Variants in COA1 observed in about 807,000 individuals in gnomAD.
COA1 encodes cytochrome c oxidase assembly factor 1, also known as cytochrome c oxidase assembly factor 1 homolog.
COA1 carries 13 observed loss-of-function variants against 16.0 expected under a neutral mutation model. The ratio of observed to expected loss-of-function variants is 0.81; its 90% confidence interval spans 0.53 to 1.29. COA1 has a LOEUF of 1.29. Among genes scored for constraint, COA1 ranks in the 50% most tolerant of loss-of-function variants. The probability of loss-of-function intolerance (pLI) is 0.00; values close to 1 mark genes in which losing one functional copy is unlikely to be tolerated. For missense variants in COA1, 179 were observed against 177.0 expected, an observed-to-expected ratio of 1.01 and a Z score of -0.06; for synonymous variants, 65 against 65.7, an observed-to-expected ratio of 0.99 and a Z score of 0.05.
intron 1 of COA1, among the ~76,000 whole-genome samples, chr7:43,720,743 C>T (rs2095490600): frequency 6.6e-6 from 1 of 152,188 alleles, no homozygotes; most frequent in African/African-American, 2.4e-5. Context: ...TGAATGGCAG[C>T]CCCAGTCCCT....
At chr7:43,662,367 C>T (rs1488897604) in intron 1 of COA1, among the ~76,000 whole-genome samples, 5 of 152,154 alleles carry the variant, frequency 3.3e-5, no homozygotes, top group Non-Finnish European at 7.4e-5. Flanking sequence ...ATAGCTGGGA[C>T]TACAGGCACC....
intron 1 of COA1, among the ~76,000 whole-genome samples, chr7:43,691,281 GAAAGAAAGA>G (rs2094293390): frequency 2.9e-5 from 1 of 34,594 alleles, no homozygotes; most frequent in African/African-American, 1.0e-4. Context: ...AAGAAAGAAA[GAAAGAAAGA>G]AAGAAAGAAA....
intron 6 of COA1, chr7:43,625,748 T>C (rs911057366): frequency 3.5e-5 from 3 of 85,478 alleles, no homozygotes; most frequent in African/African-American, 1.7e-4. Context: ...TAAAATCCCC[T>C]AGAGCAGAGA....
intron 1 of COA1, among the ~76,000 whole-genome samples, chr7:43,695,423 C>CTTCCTCCAGTTATCCACATGGCT (rs2094496794): frequency 6.6e-6 from 1 of 151,928 alleles, no homozygotes; most frequent in Non-Finnish European, 1.5e-5. Context: ...CAGGAATCTT[C>CTTCCTCCAGTTATCCACATGGCT]TTCCTCCAGT....
intron 1 of COA1, among the ~76,000 whole-genome samples, chr7:43,700,568 A>G (rs2094692868): frequency 7.1e-6 from 1 of 141,694 alleles, no homozygotes; most frequent in Admixed American, 7.6e-5. Flanking sequence ...ATATATATGT[A>G]CACATATATA....
intron 6 of COA1, chr7:43,619,753 G>A: frequency 1.9e-6 from 3 of 1,609,756 alleles, no homozygotes; most frequent in Non-Finnish European, 2.5e-6. Context: ...GTTTTGTTCT[G>A]GGGTCAGGCA....
At chr7:43,694,088 G>C (rs2094455910) in intron 1 of COA1, among the ~76,000 whole-genome samples, 1 of 149,218 alleles carries the variant, frequency 6.7e-6, no homozygotes, top group Non-Finnish European at 1.5e-5. Flanking sequence ...TTGCCTCTAT[G>C]GATGCATGCT....
intron 1 of COA1, among the ~76,000 whole-genome samples, chr7:43,692,752 A>G (rs2094415577): frequency 6.6e-6 from 1 of 152,148 alleles, no homozygotes; most frequent in African/African-American, 2.4e-5. Flanking sequence ...TGACTAGGCA[A>G]TTCACAAGAT....
In COA1 at chr7:43,645,299, A is replaced by G. The variant is rs1471498299; in HGVS notation, c.216T>C (p.Tyr72=). ...EALGPPLNIH[Y]LKLIDRENFV... ...AGTTTTCCCTGTCGATGAGCTTGAG[A>G]TAATGGATGTTGAGAGGAGGGCCCA... is the stretch of plus-strand genomic sequence containing the variant. Residue 72 remains tyrosine (Y), a synonymous_variant, in exon 4 of 6, where the codon TAT becomes TAC. Transcript: ENST00000223336. The G allele has an allele frequency of 3.1e-6, 5 of 1,613,956 alleles. No homozygotes were observed. The East Asian group carries it at 1.1e-4, about 36-fold the overall frequency.
chr7:43,691,402 AG>A lies in COA1; in HGVS notation c.-39+38026del, dbSNP rs1161469073. Among the ~76,000 whole-genome samples, 529 of 118,226 alleles carry A rather than the reference AG, an allele frequency of 4.5e-3. 13 individuals are homozygous for A. Among genetic ancestry groups the A allele is most frequent in the Admixed American group, 0.01 (116 of 11,088 alleles). 77.6% of individuals were successfully genotyped at this position (118,226 alleles called of 152,430 possible). A position where few individuals can be genotyped will look rare whatever the true frequency, so the allele number is the denominator to read the frequency against. ...GAGGAAGGAAGGAAGGAAGGAAGGAAGGAAGGAAGGAAGAAAGAAAAAGAAA... is the reference window on the plus strand; with the variant it reads ...GAGGAAGGAAGGAAGGAAGGAAGGAAGAAGGAAGGAAGAAAGAAAAAGAAA... On this transcript the variant is annotated intron_variant, in intron 1 of 5. Coordinates refer to ENST00000223336, the MANE Select transcript of COA1 (RefSeq NM_018224.4).
At chr7:43,683,219 CTTCAAA>C in intron 1 of COA1, among the ~76,000 whole-genome samples, 1 of 152,282 alleles carries the variant, frequency 6.6e-6, no homozygotes, top group South Asian at 2.1e-4. Context: ...TGGAAAATAA[CTTCAAA>C]TTAAGAAAAG....
At chr7:43,636,814 C>T (rs917618374), downstream of COA1, among the ~76,000 whole-genome samples, 2 of 152,196 alleles carry the variant, frequency 1.3e-5, no homozygotes, top group Non-Finnish European at 2.9e-5. Context: ...TCATACAGGT[C>T]TTGTCAGTAC....
chr7:43,616,758 G>A (rs559185392), intron 6 of COA1, among the ~76,000 whole-genome samples: 8 of 151,968 alleles, frequency 5.3e-5, no homozygotes, highest in African/African-American at 1.2e-4. Context: ...TTAGCCGGGC[G>A]TGGTGGCGGG....
chr7:43,686,641 G>A (rs556690635), intron 1 of COA1, among the ~76,000 whole-genome samples: 3 of 152,274 alleles, frequency 2.0e-5, no homozygotes, highest in African/African-American at 4.8e-5. Flanking sequence ...GGTGGGGAGC[G>A]GAATGTGACA....
At chr7:43,660,391 C>T (rs2092303876) in intron 1 of COA1, among the ~76,000 whole-genome samples, 1 of 152,118 alleles carries the variant, frequency 6.6e-6, no homozygotes, top group Admixed American at 6.5e-5. Context: ...CGGAACCAAC[C>T]CAGGTGCCTA....
At chr7:43,716,895 G>T (rs2095407085) in intron 1 of COA1, among the ~76,000 whole-genome samples, 1 of 152,234 alleles carries the variant, frequency 6.6e-6, no homozygotes, top group South Asian at 2.1e-4. Flanking sequence ...CCAATGCAGA[G>T]CTTGGGTTGT....
chr7:43,631,135 A>G (rs1006605094), intron 6 of COA1: 1 of 151,926 alleles, frequency 6.6e-6, no homozygotes, highest in Non-Finnish European at 1.5e-5. Flanking sequence ...GGGTAGACTC[A>G]TTCAACAAAT....
At chr7:43,711,941 T>C (rs2095262217) in intron 1 of COA1, among the ~76,000 whole-genome samples, 1 of 152,152 alleles carries the variant, frequency 6.6e-6, no homozygotes, top group African/African-American at 2.4e-5. Flanking sequence ...GAGAAACTAA[T>C]AACAATAAAC....
chr7:43,706,567 AT>A (rs1184286839), intron 1 of COA1, among the ~76,000 whole-genome samples: 3 of 150,192 alleles, frequency 2.0e-5, no homozygotes, highest in Non-Finnish European at 4.4e-5. Context: ...AAATAAAAAA[AT>A]AAAAAAATAA....
Sources: gnomAD v4.1 joint callset for allele counts (sites outside exome capture counted in the v4.1 genomes callset) on GRCh38, gnomAD v4.1.1 for gene constraint, MANE v1.5 for transcripts, NCBI Gene and HGNC (gene_info 2026-07-23, HGNC 2026-07-21) for gene names.